Variants in ERMP1 observed in about 807,000 individuals in gnomAD.
The protein encoded by ERMP1 is endoplasmic reticulum metallopeptidase 1, also known as Felix-ina.
A neutral mutation model predicts 92.0 loss-of-function variants in ERMP1; 86 were observed. The ratio of observed to expected loss-of-function variants is 0.93; its 90% CI spans 0.79 to 1.12. ERMP1 has a LOEUF of 1.12. Among genes scored for constraint, ERMP1 ranks in the 50% most tolerant of loss-of-function variants. The probability of loss-of-function intolerance (pLI) is 0.00; values close to 1 mark genes in which losing one functional copy is unlikely to be tolerated. For synonymous variants in ERMP1, 530 were observed against 412.8 expected, an observed-to-expected ratio of 1.28 and a Z score of -3.44; for missense variants, 1,342 against 1,116.3, an observed-to-expected ratio of 1.20 and a Z score of -2.88.
In ERMP1 at chr9:5,819,864, T is replaced by A. The variant is rs538750466; in HGVS notation, c.874+4032A>T. ...AAGTAGACAGGCAGTTGCCTAGGGA[T>A]GGGGGAAAATGGGAGTGACTGCTAA... On this transcript the variant is annotated intron_variant, in intron 4 of 14. Transcript: ENST00000339450. Among the ~76,000 whole-genome samples the A allele has an allele frequency of 2.6e-5, 4 of 152,200 alleles. No individual in the cohort carries two copies. In the South Asian group the frequency reaches 6.2e-4, roughly 24 times the overall value.
upstream of ERMP1, among the ~76,000 whole-genome samples, chr9:5,836,802 A>G (rs1830100463): frequency 6.6e-6 from 1 of 152,240 alleles, no homozygotes; most frequent in African/African-American, 2.4e-5. Context: ...GGGGGCTGAC[A>G]GTGCTGGCAA....
At chr9:5,822,868 T>C (rs1829592597) in intron 4 of ERMP1, among the ~76,000 whole-genome samples, 1 of 152,230 alleles carries the variant, frequency 6.6e-6, no homozygotes, top group South Asian at 2.1e-4. Flanking sequence ...AATCAGACCT[T>C]GGCGATGAGG....
intron 13 of ERMP1, among the ~76,000 whole-genome samples, chr9:5,787,797 C>T (rs1232156787): frequency 1.3e-5 from 2 of 152,306 alleles, no homozygotes; most frequent in South Asian, 2.1e-4. Flanking sequence ...AAGGCACAGA[C>T]TGTAAATGAG....
chr9:5,862,300 G>A (rs1231963263), intron 5 of ERMP1, among the ~76,000 whole-genome samples: 1 of 152,014 alleles, frequency 6.6e-6, no homozygotes, highest in Non-Finnish European at 1.5e-5. Flanking sequence ...TCAAAGTGCT[G>A]GGATTACAGA....
At chr9:5,860,454 T>C (rs1830452209) in intron 5 of ERMP1, among the ~76,000 whole-genome samples, 1 of 152,108 alleles carries the variant, frequency 6.6e-6, no homozygotes, top group South Asian at 2.1e-4. Flanking sequence ...TACATTAATA[T>C]AAATATGGAT....
At chr9:5,816,837 G>T (rs942487951) in intron 4 of ERMP1, among the ~76,000 whole-genome samples, 1 of 151,748 alleles carries the variant, frequency 6.6e-6, no homozygotes, top group Non-Finnish European at 1.5e-5. Context: ...TCCACGTGTA[G>T]AATGTGCTAT....
At chr9:5,795,355 A>G (rs1349944014) in intron 13 of ERMP1, among the ~76,000 whole-genome samples, 1 of 152,222 alleles carries the variant, frequency 6.6e-6, no homozygotes, top group Non-Finnish European at 1.5e-5. Flanking sequence ...CCCCTCTCAC[A>G]ACGCCTTGTC....
chr9:5,785,236 A>C lies in ERMP1; in HGVS notation c.*1908T>G, dbSNP rs1033856496. 5 of 152,236 alleles carry C rather than the reference A, an allele frequency of 3.3e-5. No homozygotes were observed. Among genetic ancestry groups the C allele is most frequent in the African/African-American group, 9.6e-5 (4 of 41,466 alleles). The allele number at this position is 152,236 out of a possible 1,614,324, so 9.4% of individuals were successfully genotyped here. Reference sequence around the variant, plus strand: ...AAACAGTCATAATTTATTACTGATAAAGAGTAAAGGCATCCTTCCCATAGA... The same window carrying C: ...AAACAGTCATAATTTATTACTGATACAGAGTAAAGGCATCCTTCCCATAGA... On this transcript the variant is annotated 3_prime_UTR_variant, in exon 15 of 15. Transcript: ENST00000339450.
At chr9:5,862,418 G>C (rs1241407022) in intron 5 of ERMP1, among the ~76,000 whole-genome samples, 2 of 149,620 alleles carry the variant, frequency 1.3e-5, no homozygotes, top group Non-Finnish European at 3.0e-5. Context: ...TTGCAGCCTC[G>C]AACTCCTGGA....
At chr9:5,843,734 ATC>A (rs201816758) in intron 6 of ERMP1, among the ~76,000 whole-genome samples, 3,569 of 152,314 alleles carry the variant, frequency 0.023, 70 homozygotes, top group Admixed American at 0.05. Context: ...AGAGCCGAAG[ATC>A]TCTGCTACAA....
chr9:5,842,594 A>C (rs567771194), intron 6 of ERMP1, among the ~76,000 whole-genome samples: 6 of 152,374 alleles, frequency 3.9e-5, no homozygotes, highest in African/African-American at 1.4e-4. Context: ...AATCAGAAAC[A>C]AACTTATTAA....
At chr9:5,787,653 C>T in intron 13 of ERMP1, 60 bp from the exon 14 acceptor site, 5 of 1,528,660 alleles carry the variant, frequency 3.3e-6, no homozygotes, top group Non-Finnish European at 4.4e-6. Flanking sequence ...AAAAATAACC[C>T]ACAATCCAAA....
chr9:5,857,207 A>G (rs1348410823), intron 6 of ERMP1, among the ~76,000 whole-genome samples: 1 of 152,094 alleles, frequency 6.6e-6, no homozygotes, highest in Non-Finnish European at 1.5e-5. Flanking sequence ...TTTTTTGTAG[A>G]GATGGGGTTT....
chr9:5,809,210 C>T lies in ERMP1; in HGVS notation c.1548+801G>A, dbSNP rs551267812. ...TAATTTTTTGTATTTTTAGTAGAGA[C>T]GGGGTTTCACCGTGTTAGCCAGGAT... On this transcript the variant is annotated intron_variant, in intron 8 of 14. Transcript: ENST00000339450. Among the ~76,000 whole-genome samples, 127 of 151,866 alleles carry T rather than the reference C, an allele frequency of 8.4e-4. 1 individual carries two copies. The highest frequency in any genetic ancestry group is 1.2e-3 in the Non-Finnish European group (82 of 67,964).
Position 5,805,110 on chromosome 9 carries a change from CGAG to C in ERMP1, c.1828_1830del (p.Leu610del). The C allele has an allele frequency of 6.2e-7, 1 of 1,613,432 alleles. No homozygotes were observed. The highest frequency in any genetic ancestry group is 2.2e-5 in the East Asian group (1 of 44,860). ...GGTGGGATTTCAGAACCACTTCTCC[CGAG>C]GATAGGGGTAAACATCTCAAATACT... On this transcript the variant is annotated inframe_deletion, in exon 10 of 15. Coordinates refer to ENST00000339450, the MANE Select transcript of ERMP1 (RefSeq NM_024896.3).
Position 5,805,050 on chromosome 9 carries a change from T to C in ERMP1, c.1891A>G (p.Thr631Ala). 4 of 1,611,742 alleles carry C rather than the reference T, an allele frequency of 2.5e-6. No homozygotes were observed. Among genetic ancestry groups the C allele is most frequent in the Non-Finnish European group, 2.5e-6 (3 of 1,179,548 alleles). ...VVLASILAGC[T>A]MILSSYFINF... ...ACAAAATAGGACGAGAGAATCATTGTACAGCCAGCCAAAATGGATGCCAGC... is the reference window on the plus strand; with the variant it reads ...ACAAAATAGGACGAGAGAATCATTGCACAGCCAGCCAAAATGGATGCCAGC... Residue 631 changes from threonine to alanine, a missense_variant, in exon 10 of 15, where the codon ACA becomes GCA. Physicochemically the swap from Thr to Ala is moderately conservative, Grantham distance 58. Coordinates refer to ENST00000339450, the MANE Select transcript of ERMP1 (RefSeq NM_024896.3).
At chr9:5,790,910 A>G (rs561912282) in intron 13 of ERMP1, among the ~76,000 whole-genome samples, 1 of 152,232 alleles carries the variant, frequency 6.6e-6, no homozygotes, top group Non-Finnish European at 1.5e-5. Context: ...TGAGGGTTAC[A>G]TGGGTATATA....
chr9:5,811,063 C>A (rs760127462), intron 7 of ERMP1, 48 bp downstream of exon 7: 1 of 1,319,640 alleles, frequency 7.6e-7, no homozygotes, highest in African/African-American at 1.5e-5. Context: ...ACTTCAAGCA[C>A]ATTCTACAGC....
At chr9:5,853,799 G>C (rs1377324699) in intron 6 of ERMP1, among the ~76,000 whole-genome samples, 1 of 149,640 alleles carries the variant, frequency 6.7e-6, no homozygotes, top group African/African-American at 2.5e-5. Flanking sequence ...AGTAGATCTA[G>C]AATGCCCAGT....
Sources: allele counts gnomAD v4.1 joint callset (sites outside exome capture counted in the v4.1 genomes callset), GRCh38; gene constraint gnomAD v4.1.1; transcripts MANE v1.5; gene names NCBI Gene and HGNC (gene_info 2026-07-23, HGNC 2026-07-21).